Variants in ATP10A observed in about 807,000 individuals in gnomAD.
ATP10A encodes phospholipid-transporting ATPase VA.
In ATP10A, 111 loss-of-function variants were observed where a neutral mutation model predicts 147.8. The ratio of observed to expected loss-of-function variants is 0.75; its 90% CI spans 0.64 to 0.88. ATP10A has a LOEUF of 0.88. Among genes scored for constraint, ATP10A ranks in the 40% least tolerant of loss-of-function variants. The pLI, the probability that ATP10A is intolerant of heterozygous loss-of-function variation, is 0.00. For synonymous variants in ATP10A, 875 were observed against 841.6 expected (o/e 1.04, Z -0.69); for missense variants, 1,927 against 1,959.0 (o/e 0.98, Z 0.31).
intron 1 of ATP10A, among the ~76,000 whole-genome samples, chr15:25,801,531 G>C (rs1049803952): frequency 3.3e-5 from 5 of 152,212 alleles, no homozygotes; most frequent in African/African-American, 1.2e-4. Flanking sequence ...GCGGACGAGA[G>C]TCCTGGGGGC....
intron 5 of ATP10A, among the ~76,000 whole-genome samples, chr15:25,724,387 AAC>A (rs1200912932): frequency 6.6e-6 from 1 of 152,348 alleles, no homozygotes; most frequent in Non-Finnish European, 1.5e-5. Context: ...GCAGCAAAAA[AAC>A]AGTCAGTAGG....
rs200331199 is a variant in ATP10A at position 25,721,654 on chromosome 15, C to T, written c.1363+3G>A. 6.8e-6 allele frequency: 11 copies of T among 1,610,896 alleles called. No individual in the cohort carries two copies. The African/African-American group carries it at 8.0e-5, about 12-fold the overall frequency. On this transcript the variant is annotated splice_donor_region_variant and intron_variant, in intron 7 of 20. Transcript: ENST00000555815. Reference sequence around the variant, plus strand: ...GTTGGGAGCCCCGCACCCCCAGACTCACCATTTGCATCATGAGAATATTCT... The same window carrying T: ...GTTGGGAGCCCCGCACCCCCAGACTTACCATTTGCATCATGAGAATATTCT...
intron 10 of ATP10A, chr15:25,708,687 T>C (rs1430563966): frequency 5.7e-6 from 1 of 175,706 alleles, no homozygotes; most frequent in African/African-American, 2.4e-5. Flanking sequence ...ACATCAAAAG[T>C]CATTTGGCAT....
chr15:25,850,856 G>A (rs1893262549), intron 1 of ATP10A, among the ~76,000 whole-genome samples: 1 of 152,178 alleles, frequency 6.6e-6, no homozygotes, highest in Admixed American at 6.5e-5. Context: ...AAAAACAAAA[G>A]GCAGGACATA....
intron 1 of ATP10A, among the ~76,000 whole-genome samples, chr15:25,856,420 TTCTTTATAAATTACCCAG>T (rs1433620334): frequency 2.6e-5 from 4 of 152,190 alleles, no homozygotes; most frequent in African/African-American, 9.7e-5. Context: ...TAAACCTGTT[TTCTTTATAAATTACCCAG>T]TCTTGGGTAT....
rs746131527 is a variant in ATP10A at position 25,727,164 on chromosome 15, G to A, written c.843C>T (p.Tyr281=). 2.8e-5 allele frequency: 45 copies of A among 1,613,838 alleles called. No homozygotes were observed. Among genetic ancestry groups the A allele is most frequent in the East Asian group, 6.7e-5 (3 of 44,876 alleles). Reference sequence around the variant, plus strand: ...GTGCCAGGTGCCCGAGCCTACCTGCGTAGATGACAATGCCGACGACTGCGT... The same window carrying A: ...GTGCCAGGTGCCCGAGCCTACCTGCATAGATGACAATGCCGACGACTGCGT... ...NTDAVVGIVI[Y]AGHETKALLN... The change falls in exon 4 of 21, where the codon TAC becomes TAT. Residue 281 remains tyrosine, a synonymous_variant. Coordinates refer to ENST00000555815, the MANE Select transcript of ATP10A (RefSeq NM_024490.4).
At chr15:25,673,642 C>T (rs142534461), downstream of ATP10A, among the ~76,000 whole-genome samples, 5 of 152,208 alleles carry the variant, frequency 3.3e-5, no homozygotes, top group Non-Finnish European at 7.3e-5. Context: ...ACTCACCCTT[C>T]GTCACTGTCA....
At position 25,846,320 on chromosome 15, in the gene ATP10A, T is replaced by G. The variant is rs545029593; in HGVS notation, c.449+16328A>C. On this transcript the variant is annotated intron_variant, in intron 1 of 20. Transcript: ENST00000555815. ...AATGGCTAATTTTATGTTATGTATATTTCACCATAATAAAACAATTTTTTA... is the reference window on the plus strand; with the variant it reads ...AATGGCTAATTTTATGTTATGTATAGTTCACCATAATAAAACAATTTTTTA... 2.6e-5 allele frequency among the ~76,000 whole-genome samples: 4 copies of G among 152,310 alleles called. No homozygotes were observed. The South Asian group carries it at 8.3e-4, about 32-fold the overall frequency.
At chr15:25,708,341 G>T in intron 10 of ATP10A, 41 bp from the exon 11 acceptor site, 2 of 1,563,380 alleles carry the variant, frequency 1.3e-6, no homozygotes, top group Non-Finnish European at 8.8e-7. Context: ...AAGAACTGGC[G>T]CCTGTGGAAT....
intron 1 of ATP10A, among the ~76,000 whole-genome samples, chr15:25,786,605 C>T (rs1176859215): frequency 7.2e-6 from 1 of 139,054 alleles, no homozygotes; most frequent in African/African-American, 2.6e-5. Flanking sequence ...AGCATTGAGA[C>T]ATCATTATCA....
intron 2 of ATP10A, among the ~76,000 whole-genome samples, chr15:25,750,405 GA>G (rs1224956696): frequency 6.6e-6 from 1 of 151,550 alleles, no homozygotes; most frequent in African/African-American, 2.4e-5. Context: ...TACAAAAGCT[GA>G]AAAAAAATTC....
chr15:25,705,390 C>T (rs1008487478), intron 12 of ATP10A, among the ~76,000 whole-genome samples: 12 of 148,176 alleles, frequency 8.1e-5, no homozygotes, highest in East Asian at 2.0e-4. Flanking sequence ...GTGCTGTGAT[C>T]GCACCATTGC....
rs190583620 is a variant in ATP10A at position 25,850,747 on chromosome 15, C to T, written c.449+11901G>A. Among the ~76,000 whole-genome samples, 903 of 151,964 alleles carry T rather than the reference C, an allele frequency of 5.9e-3. 12 individuals carry two copies. Among genetic ancestry groups the T allele is most frequent in the African/African-American group, 0.021 (857 of 41,426 alleles). ...CTCACCTCCCCTCCTGCACAGAGCA[C>T]CTAAGGGCCCAAAGATCACATCTGA... On this transcript the variant is annotated intron_variant, in intron 1 of 20. Transcript: ENST00000555815.
intron 2 of ATP10A, among the ~76,000 whole-genome samples, chr15:25,775,873 G>A (rs551107386): frequency 1.6e-4 from 24 of 152,310 alleles, no homozygotes; most frequent in Admixed American, 7.8e-4. Context: ...CCCTGTCCCC[G>A]CCTCACCCCG....
rs533267510 is a variant in ATP10A at position 25,790,588 on chromosome 15, TACTC to T, written c.450-9369_450-9366del. 2.7e-3 allele frequency among the ~76,000 whole-genome samples: 412 copies of T among 152,330 alleles called. 5 individuals carry two copies. Among genetic ancestry groups the T allele is most frequent in the African/African-American group, 9.7e-3 (403 of 41,580 alleles). The stretch of plus-strand genomic sequence containing the variant: ...CCATGCTATGCTCACATCACATAAT[TACTC>T]ACTACAATGCAACACTGAACACCCA... On this transcript the variant is annotated intron_variant, in intron 1 of 20. Coordinates refer to ENST00000555815, the MANE Select transcript of ATP10A (RefSeq NM_024490.4).
chr15:25,733,975 G>C (rs890995357), intron 3 of ATP10A, among the ~76,000 whole-genome samples: 3 of 152,308 alleles, frequency 2.0e-5, no homozygotes, highest in African/African-American at 7.2e-5. Flanking sequence ...CCACTCAAGA[G>C]GCATCTTCCC....
chr15:25,856,914 T>C lies in ATP10A; in HGVS notation c.449+5734A>G, dbSNP rs73356410. On this transcript the variant is annotated intron_variant, in intron 1 of 20. Transcript: ENST00000555815. ...GAAGTAATCAGCAGTATTCAGGCCC[T>C]GGAAAACCCCATAGGACAAATAACC... is the stretch of plus-strand genomic sequence containing the variant. 3.8e-3 allele frequency among the ~76,000 whole-genome samples: 586 copies of C among 152,234 alleles called. 2 individuals carry two copies. The highest frequency in any genetic ancestry group is 0.014 in the African/African-American group (566 of 41,530).
chr15:25,723,876 A>C lies in ATP10A; in HGVS notation c.1110+15T>G. The C allele has an allele frequency of 1.3e-6, 2 of 1,576,516 alleles. No homozygotes were observed. Among genetic ancestry groups the C allele is most frequent in the Non-Finnish European group, 1.7e-6 (2 of 1,163,522 alleles). On this transcript the variant is annotated intron_variant, in intron 6 of 20. Coordinates refer to ENST00000555815, the MANE Select transcript of ATP10A (RefSeq NM_024490.4). The stretch of plus-strand genomic sequence containing the variant: ...AAAAGTAAAGCAATTATTGTACGAT[A>C]CTTAGTATTGTTACCTGCAGAACTA...
At chr15:25,795,100 T>C (rs1174338086) in intron 1 of ATP10A, among the ~76,000 whole-genome samples, 6 of 152,148 alleles carry the variant, frequency 3.9e-5, no homozygotes, top group Non-Finnish European at 7.4e-5. Context: ...GGAAAAACAA[T>C]TGTTTTTTCT....
Sources: gnomAD v4.1 joint callset for allele counts (sites outside exome capture counted in the v4.1 genomes callset) on GRCh38, gnomAD v4.1.1 for gene constraint, MANE v1.5 for transcripts, NCBI Gene and HGNC (gene_info 2026-07-23, HGNC 2026-07-21) for gene names.